STRADB: variants seen among roughly 807,000 people sequenced by gnomAD.
STRADB encodes STE20-related kinase adapter protein beta.
Under a neutral mutation model 52.1 loss-of-function variants are expected in STRADB, and 34 were observed. The ratio of observed to expected loss-of-function variants is 0.65; its 90% confidence interval spans 0.50 to 0.87. STRADB has a LOEUF of 0.87. Among genes scored for constraint, STRADB ranks in the 40% least tolerant of loss-of-function variants. The probability of loss-of-function intolerance (pLI) is 0.00; values close to 1 mark genes in which losing one functional copy is unlikely to be tolerated. For missense variants in STRADB, 340 were observed against 483.9 expected (o/e 0.70, Z 2.79); for synonymous variants, 133 against 174.5 (o/e 0.76, Z 1.87).
chr2:201,479,307 C>G, intron 10 of STRADB, 182 bp from the exon 11 acceptor site: 1 of 580,316 alleles, frequency 1.7e-6, no homozygotes. Context: ...TGAAGGATAC[C>G]TCTACAATTA....
chr2:201,455,000 G>C, intron 2 of STRADB, 148 bp downstream of exon 2: 1 of 618,244 alleles, frequency 1.6e-6, no homozygotes, highest in South Asian at 3.4e-5. Context: ...CTTGAGAAAT[G>C]AATTACATTC....
At chr2:201,460,759 C>A (rs1952201242) in intron 3 of STRADB, 1 of 337,238 alleles carries the variant, frequency 3.0e-6, no homozygotes, top group Non-Finnish European at 6.3e-6. Flanking sequence ...TTTATCCATT[C>A]ATCTGTTGAT....
intron 2 of STRADB, 138 bp downstream of exon 2, chr2:201,454,990 C>T: frequency 1.5e-6 from 1 of 682,192 alleles, no homozygotes; most frequent in South Asian, 3.2e-5. Flanking sequence ...GACTTCTGGA[C>T]TTGAGAAATG....
At chr2:201,471,869 G>A (rs1952395509) in intron 4 of STRADB, among the ~76,000 whole-genome samples, 1 of 152,178 alleles carries the variant, frequency 6.6e-6, no homozygotes, top group Non-Finnish European at 1.5e-5. Context: ...TGCCCTGGCT[G>A]AGAATTCAGG....
chr2:201,470,890 A>C (rs1952379168), intron 4 of STRADB, among the ~76,000 whole-genome samples: 1 of 152,218 alleles, frequency 6.6e-6, no homozygotes, highest in Non-Finnish European at 1.5e-5. Context: ...CTGCTAACTC[A>C]CAGAATTATT....
chr2:201,477,717 A>T lies in STRADB; in HGVS notation c.647A>T (p.His216Leu). Residue 216 changes from histidine to leucine, a missense_variant, in exon 8 of 12, where the codon CAT (histidine) becomes CTT (leucine). His to Leu is a moderately conservative substitution (Grantham distance 99). Transcript: ENST00000194530. ...AGTTTGGTTAAGCATGGACAGAGGC[A>T]TAGGGCTGTGTATGATTTCCCACAG... is the stretch of plus-strand genomic sequence containing the variant. ...LHSLVKHGQRHRAVYDFPQFS... is the reference protein window; with the variant it reads ...LHSLVKHGQRLRAVYDFPQFS... The T allele has an allele frequency of 6.2e-7, 1 of 1,613,798 alleles. No homozygotes were observed. Among genetic ancestry groups the T allele is most frequent in the Non-Finnish European group, 8.5e-7 (1 of 1,179,696 alleles).
chr2:201,475,477 T>C, intron 6 of STRADB, 142 bp from the exon 7 acceptor site: 1 of 881,522 alleles, frequency 1.1e-6, no homozygotes. Context: ...GAAAATCATG[T>C]TTGTGTGGGA....
chr2:201,478,082 T>G lies in STRADB; in HGVS notation c.721-5T>G, dbSNP rs1284109006. On this transcript the variant is annotated splice_polypyrimidine_tract_variant and splice_region_variant and intron_variant, in intron 8 of 11. Coordinates refer to ENST00000194530, the MANE Select transcript of STRADB (RefSeq NM_018571.6). ...AAAAGACTTCAAATTAATTGTGTCC[T>G]ACAGGATTTACATGGGTATAATGTG... The G allele has an allele frequency of 3.1e-6, 5 of 1,601,120 alleles. No homozygotes were observed. The highest frequency in any genetic ancestry group is 4.3e-6 in the Non-Finnish European group (5 of 1,175,000).
At chr2:201,474,114 T>C (rs1321139777) in intron 5 of STRADB, among the ~76,000 whole-genome samples, 1 of 152,060 alleles carries the variant, frequency 6.6e-6, no homozygotes, top group Non-Finnish European at 1.5e-5. Context: ...ATGGTCTCGA[T>C]CTCCTGATGT....
At chr2:201,459,716 A>T (rs1317213933) in intron 3 of STRADB, among the ~76,000 whole-genome samples, 1 of 152,208 alleles carries the variant, frequency 6.6e-6, no homozygotes, top group Non-Finnish European at 1.5e-5. Context: ...CTACCAATAC[A>T]GGCCTGCTTG....
In STRADB at chr2:201,480,109, A is replaced by G. The variant is rs1201588744; in HGVS notation, c.1191A>G (p.Pro397=). Residue 397 remains proline (P), a synonymous_variant, in exon 12 of 12, where the codon CCA becomes CCG. Coordinates refer to ENST00000194530, the MANE Select transcript of STRADB (RefSeq NM_018571.6). ...ACAAGCCATCAATATCATTGCCTCC[A>G]GTGTTACCTTGGACTGAGCCAGAAT... is the stretch of plus-strand genomic sequence containing the variant. ...AYNKPSISLP[P]VLPWTEPECD... is the part of the protein sequence containing the mutation. 3.7e-6 allele frequency: 6 copies of G among 1,613,894 alleles called. No homozygotes were observed. The highest frequency in any genetic ancestry group is 4.2e-6 in the Non-Finnish European group (5 of 1,179,810).
At chr2:201,452,798 A>G (rs1952067492) in intron 1 of STRADB, among the ~76,000 whole-genome samples, 1 of 152,234 alleles carries the variant, frequency 6.6e-6, no homozygotes. Context: ...GTTTCTACAG[A>G]AAGTGTTAAT....
intron 2 of STRADB, chr2:201,457,556 T>A (rs926933006): frequency 1.3e-5 from 2 of 152,224 alleles, no homozygotes; most frequent in African/African-American, 4.8e-5. Flanking sequence ...TAATGAAGGC[T>A]AACTGGGACA....
chr2:201,477,462 A>G (rs1411566319), intron 7 of STRADB, among the ~76,000 whole-genome samples, 157 bp from the exon 8 acceptor site: 1 of 152,214 alleles, frequency 6.6e-6, no homozygotes, highest in Non-Finnish European at 1.5e-5. Flanking sequence ...TTTCCTGTGT[A>G]AACAGCAGTT....
At chr2:201,470,656 T>C (rs1255987486) in intron 4 of STRADB, among the ~76,000 whole-genome samples, 2 of 152,168 alleles carry the variant, frequency 1.3e-5, no homozygotes, top group Non-Finnish European at 2.9e-5. Context: ...TATAGCTTCG[T>C]TTTATGCACT....
At chr2:201,472,038 A>C (rs1233766131) in intron 4 of STRADB, among the ~76,000 whole-genome samples, 1 of 152,180 alleles carries the variant, frequency 6.6e-6, no homozygotes, top group Non-Finnish European at 1.5e-5. Context: ...GGAGGTAACT[A>C]ATATTTATTA....
intron 3 of STRADB, among the ~76,000 whole-genome samples, chr2:201,462,901 G>A (rs973469896): frequency 1.3e-5 from 2 of 152,118 alleles, no homozygotes; most frequent in African/African-American, 2.4e-5. Context: ...CTTACTGCTC[G>A]TTAACAACCT....
intron 3 of STRADB, among the ~76,000 whole-genome samples, chr2:201,467,774 A>G (rs572744856): frequency 3.3e-5 from 5 of 152,048 alleles, no homozygotes; most frequent in Admixed American, 2.0e-4. Context: ...TGGTGTCTCA[A>G]TTATCCATGG....
chr2:201,477,586 C>T, intron 7 of STRADB, 33 bp from the exon 8 acceptor site: 1 of 1,569,578 alleles, frequency 6.4e-7, no homozygotes, highest in South Asian at 1.1e-5. Context: ...TGGCCAGTTT[C>T]CTGTTACTTA....
Sources: gnomAD v4.1 joint callset for allele counts (sites outside exome capture counted in the v4.1 genomes callset) on GRCh38, gnomAD v4.1.1 for gene constraint, MANE v1.5 for transcripts, NCBI Gene and HGNC (gene_info 2026-07-23, HGNC 2026-07-21) for gene names.